STX8: variants seen among roughly 807,000 people sequenced by gnomAD.
STX8 encodes syntaxin 8.
Under a neutral mutation model 37.5 loss-of-function variants are expected in STX8, and 23 were observed. The observed-to-expected ratio is 0.61, with a 90% CI of 0.44 to 0.87. The LOEUF (loss-of-function observed/expected upper bound fraction) is 0.87. Ranked by LOEUF, STX8 falls within the 40% of genes least tolerant of loss-of-function variation. The pLI, the probability that STX8 is intolerant of heterozygous loss-of-function variation, is 0.00. For missense variants in STX8, 313 were observed against 284.7 expected, an observed-to-expected ratio of 1.10 and a Z score of -0.71; for synonymous variants, 115 against 99.1, an observed-to-expected ratio of 1.16 and a Z score of -0.95.
chr17:9,530,003 C>CAA (rs1056126676), intron 4 of STX8, among the ~76,000 whole-genome samples: 5 of 151,692 alleles, frequency 3.3e-5, no homozygotes, highest in African/African-American at 9.7e-5. Flanking sequence ...AAAAACAAAA[C>CAA]AAAACAAAAA....
At chr17:9,278,129 G>A (rs1348411217) in intron 7 of STX8, among the ~76,000 whole-genome samples, 4 of 152,060 alleles carry the variant, frequency 2.6e-5, no homozygotes, top group African/African-American at 9.7e-5. Context: ...AAATGGGGTG[G>A]TGGCAGTGGA....
intron 2 of STX8, among the ~76,000 whole-genome samples, chr17:9,564,844 G>C (rs1907390956): frequency 6.6e-6 from 1 of 152,130 alleles, no homozygotes; most frequent in Non-Finnish European, 1.5e-5. Flanking sequence ...CACAGAACTA[G>C]AAAAAAGTAT....
chr17:9,386,576 C>T (rs941342595), intron 6 of STX8, among the ~76,000 whole-genome samples: 11 of 151,896 alleles, frequency 7.2e-5, no homozygotes, highest in African/African-American at 9.7e-5. Context: ...AGCTGGCAGG[C>T]GGGCAGGCAG....
At position 9,530,908 on chromosome 17, in the gene STX8, TG is replaced by T. The variant is rs1251543451; in HGVS notation, c.323+14263del. ...TTTGGCTATCCCAAGATCATAAAAA[TG>T]TTCTCCTGTTTTCTTCTAAAAGCTC... On this transcript the variant is annotated intron_variant, in intron 4 of 7. Coordinates refer to ENST00000306357, the MANE Select transcript of STX8 (RefSeq NM_004853.3). 5.9e-5 allele frequency among the ~76,000 whole-genome samples: 9 copies of T among 152,370 alleles called. No individual in the cohort carries two copies. In the East Asian group the frequency reaches 1.7e-3, roughly 29 times the overall value.
intron 7 of STX8, among the ~76,000 whole-genome samples, chr17:9,256,304 T>TG (rs1906795636): frequency 6.6e-6 from 1 of 152,156 alleles, no homozygotes; most frequent in South Asian, 2.1e-4. Flanking sequence ...CGAGACAGTG[T>TG]GGGGGTCCCT....
chr17:9,400,036 A>G (rs1912548348), intron 6 of STX8, among the ~76,000 whole-genome samples: 1 of 151,936 alleles, frequency 6.6e-6, no homozygotes, highest in African/African-American at 2.4e-5. Flanking sequence ...TGTTATATAT[A>G]CATTTTATAA....
chr17:9,346,700 C>G (rs376433024), intron 7 of STX8, among the ~76,000 whole-genome samples: 4 of 152,136 alleles, frequency 2.6e-5, no homozygotes, highest in Non-Finnish European at 4.4e-5. Context: ...AAAGAGACTC[C>G]CTAGAGCTTC....
At chr17:9,373,375 C>T (rs768409120) in intron 7 of STX8, among the ~76,000 whole-genome samples, 8 of 151,730 alleles carry the variant, frequency 5.3e-5, no homozygotes, top group Non-Finnish European at 1.0e-4. Context: ...TGTCCACTGA[C>T]AAATGGATAA....
At chr17:9,505,540 A>C (rs905676290) in intron 4 of STX8, among the ~76,000 whole-genome samples, 1 of 152,214 alleles carries the variant, frequency 6.6e-6, no homozygotes, top group Non-Finnish European at 1.5e-5. Flanking sequence ...CTCAGAGGCT[A>C]CGTGACCCCA....
At chr17:9,560,476 A>C (rs1907188923) in intron 2 of STX8, among the ~76,000 whole-genome samples, 1 of 151,684 alleles carries the variant, frequency 6.6e-6, no homozygotes, top group Non-Finnish European at 1.5e-5. Flanking sequence ...GGGCATTCCT[A>C]AATTTAAGTA....
chr17:9,453,829 TGTTGA>T (rs1426750516), intron 6 of STX8, among the ~76,000 whole-genome samples: 1 of 152,032 alleles, frequency 6.6e-6, no homozygotes, highest in Non-Finnish European at 1.5e-5. Context: ...AATAACTATG[TGTTGA>T]GTTAATAAAT....
At chr17:9,319,307 T>C (rs567837715) in intron 7 of STX8, among the ~76,000 whole-genome samples, 1 of 152,104 alleles carries the variant, frequency 6.6e-6, no homozygotes, top group East Asian at 1.9e-4. Context: ...TAGTCCCAGC[T>C]ACTCAGGAGG....
In STX8 at chr17:9,410,790, CATT is replaced by C. The variant is rs771753374; in HGVS notation, c.542-32140_542-32138del. 8.5e-5 allele frequency among the ~76,000 whole-genome samples: 13 copies of C among 152,202 alleles called. No homozygotes were observed. The East Asian group carries it at 9.6e-4, about 11-fold the overall frequency. On this transcript the variant is annotated intron_variant, in intron 6 of 7. Transcript: ENST00000306357. ...CAAACTCCATGTATTAACTTCATTA[CATT>C]TTTTTCCTAAAATGTTTAAAAACAT...
Position 9,490,353 on chromosome 17 carries a change from C to T in STX8, c.541+1476G>A, listed in dbSNP as rs536016091. 6.0e-5 allele frequency among the ~76,000 whole-genome samples: 9 copies of T among 150,778 alleles called. No individual in the cohort carries two copies. The South Asian group carries it at 6.3e-4, about 11-fold the overall frequency. On this transcript the variant is annotated intron_variant, in intron 6 of 7. Transcript: ENST00000306357. The stretch of plus-strand genomic sequence containing the variant: ...AGGTGTTCGTCTATCCCCAGGGCTT[C>T]GATGCTTGCTCATACATGATAACTT...
At chr17:9,461,289 A>G (rs976823898) in intron 6 of STX8, 1 of 152,166 alleles carries the variant, frequency 6.6e-6, no homozygotes, top group African/African-American at 2.4e-5. Flanking sequence ...GCAATCCAGG[A>G]GGTCAACATG....
At chr17:9,498,728 T>A (rs1031173069) in intron 5 of STX8, among the ~76,000 whole-genome samples, 1 of 152,130 alleles carries the variant, frequency 6.6e-6, no homozygotes, top group Admixed American at 6.6e-5. Flanking sequence ...AATTTCCTGC[T>A]AGAGTCTAGA....
intron 5 of STX8, among the ~76,000 whole-genome samples, chr17:9,500,757 C>A (rs1760471986): frequency 2.0e-5 from 3 of 152,198 alleles, no homozygotes; most frequent in African/African-American, 7.2e-5. Context: ...AATACCAGCA[C>A]TTTGGGAGGC....
chr17:9,278,602 G>A (rs1172691928), intron 7 of STX8, among the ~76,000 whole-genome samples: 1 of 152,184 alleles, frequency 6.6e-6, no homozygotes, highest in Non-Finnish European at 1.5e-5. Context: ...AGAAAACTAG[G>A]GGTAGGTGGC....
At chr17:9,489,741 T>A (rs1294719797) in intron 6 of STX8, among the ~76,000 whole-genome samples, 1 of 139,976 alleles carries the variant, frequency 7.1e-6, no homozygotes, top group Admixed American at 8.0e-5. Context: ...CAGGCTGGAG[T>A]GCAGTGGCAC....
Sources: gnomAD v4.1 joint callset for allele counts (sites outside exome capture counted in the v4.1 genomes callset) on GRCh38, gnomAD v4.1.1 for gene constraint, MANE v1.5 for transcripts, NCBI Gene and HGNC (gene_info 2026-07-23, HGNC 2026-07-21) for gene names.